Variants in CA10 observed in about 807,000 individuals in gnomAD.
CA10 encodes carbonic anhydrase 10 (inactive), also known as carbonic anhydrase-related protein 10.
In CA10, 14 loss-of-function variants were observed where a neutral mutation model predicts 44.2. The observed-to-expected ratio is 0.32, with a 90% CI of 0.21 to 0.50. CA10 has a LOEUF of 0.50. CA10 is among the 20% of genes least tolerant of loss of function. CA10 has a pLI of 0.99. For missense variants in CA10, 350 were observed against 409.7 expected (o/e 0.85, Z 1.26); for synonymous variants, 159 against 141.6 (o/e 1.12, Z -0.87).
At chr17:51,673,125 A>G (rs1914486667) in intron 4 of CA10, among the ~76,000 whole-genome samples, 2 of 152,332 alleles carry the variant, frequency 1.3e-5, no homozygotes, top group East Asian at 1.9e-4. Flanking sequence ...TTCTTGGTCC[A>G]TGAATTCAGA....
chr17:51,839,112 T>C (rs1297137262), intron 3 of CA10, among the ~76,000 whole-genome samples: 1 of 152,162 alleles, frequency 6.6e-6, no homozygotes, highest in African/African-American at 2.4e-5. Flanking sequence ...CCTTAGTCAA[T>C]TGCATGTTCA....
chr17:51,713,943 T>C (rs1916018453), intron 4 of CA10, among the ~76,000 whole-genome samples: 1 of 152,264 alleles, frequency 6.6e-6, no homozygotes, highest in Non-Finnish European at 1.5e-5. Flanking sequence ...CTTGATTCTA[T>C]GAGTTACTTA....
At chr17:51,889,522 A>AAAAAT (rs1359477910) in intron 3 of CA10, among the ~76,000 whole-genome samples, 5 of 152,294 alleles carry the variant, frequency 3.3e-5, no homozygotes, top group African/African-American at 1.2e-4. Context: ...GCCCTGTCTC[A>AAAAAT]AAAATAAAAT....
At chr17:51,812,667 T>G (rs574032530) in intron 3 of CA10, among the ~76,000 whole-genome samples, 15 of 152,368 alleles carry the variant, frequency 9.8e-5, no homozygotes, top group African/African-American at 3.6e-4. Flanking sequence ...ACTCTTCTCC[T>G]GCCCTCTGGT....
At chr17:52,072,213 A>G (rs1334410825) in intron 2 of CA10, 106 bp downstream of exon 2, 2 of 757,458 alleles carry the variant, frequency 2.6e-6, no homozygotes, top group Non-Finnish European at 4.3e-6. Flanking sequence ...CATTGCACAC[A>G]TAAATTAGAC....
At chr17:51,999,105 G>A (rs188510990) in intron 2 of CA10, among the ~76,000 whole-genome samples, 6 of 152,060 alleles carry the variant, frequency 3.9e-5, no homozygotes, top group Admixed American at 2.6e-4. Context: ...ATGTTTTCTT[G>A]ATCTCTAAGT....
At chr17:51,841,188 C>A (rs1352330982) in intron 3 of CA10, among the ~76,000 whole-genome samples, 1 of 152,164 alleles carries the variant, frequency 6.6e-6, no homozygotes, top group African/African-American at 2.4e-5. Flanking sequence ...CAGACCTCAC[C>A]CTCCCACACC....
At chr17:52,088,808 A>G (rs1481234176) in intron 1 of CA10, among the ~76,000 whole-genome samples, 2 of 152,204 alleles carry the variant, frequency 1.3e-5, no homozygotes, top group Non-Finnish European at 2.9e-5. Context: ...AAAGAAAAAA[A>G]CCCTTACACT....
intron 1 of CA10, among the ~76,000 whole-genome samples, chr17:52,138,772 C>T (rs139600318): frequency 4.1e-4 from 62 of 152,296 alleles, no homozygotes; most frequent in African/African-American, 1.4e-3. Flanking sequence ...CTTGTAAGTA[C>T]AATTTCCAAT....
At chr17:51,747,298 T>G (rs570089535) in intron 4 of CA10, among the ~76,000 whole-genome samples, 2 of 152,226 alleles carry the variant, frequency 1.3e-5, no homozygotes, top group African/African-American at 2.4e-5. Context: ...ATCGCCCAGA[T>G]AGGTGTAAGT....
At chr17:52,154,770 T>A (rs1432535736) in intron 1 of CA10, among the ~76,000 whole-genome samples, 1 of 152,208 alleles carries the variant, frequency 6.6e-6, no homozygotes, top group Non-Finnish European at 1.5e-5. Context: ...GCTGATGTGA[T>A]CTCACAAATA....
At position 51,686,207 on chromosome 17, in the gene CA10, G is replaced by C. The variant is rs575985017; in HGVS notation, c.466-32471C>G. Reference sequence around the variant, plus strand: ...TCTCTTGCTTGTCACCGTGTAAGACGTGACTTTGCTCCTCATTCACCTGCC... The same window carrying C: ...TCTCTTGCTTGTCACCGTGTAAGACCTGACTTTGCTCCTCATTCACCTGCC... On this transcript the variant is annotated intron_variant, in intron 4 of 8. Coordinates refer to ENST00000451037, the MANE Select transcript of CA10 (RefSeq NM_020178.5). Among the ~76,000 whole-genome samples, 3 of 152,270 alleles carry C rather than the reference G, an allele frequency of 2.0e-5. No homozygotes were observed. In the East Asian group the frequency reaches 5.8e-4, roughly 29 times the overall value.
intron 3 of CA10, among the ~76,000 whole-genome samples, chr17:51,872,884 C>A (rs1240975092): frequency 4.6e-5 from 7 of 152,132 alleles, no homozygotes; most frequent in African/African-American, 1.4e-4. Context: ...AAACCTTCCA[C>A]ACCAGTTAGC....
chr17:52,061,619 G>T (rs1987388267), intron 2 of CA10, among the ~76,000 whole-genome samples: 1 of 152,102 alleles, frequency 6.6e-6, no homozygotes, highest in Non-Finnish European at 1.5e-5. Flanking sequence ...TTGTTCTCAT[G>T]ATAGTGAGTT....
intron 3 of CA10, among the ~76,000 whole-genome samples, chr17:51,920,823 C>T (rs1016175539): frequency 1.3e-5 from 2 of 152,180 alleles, no homozygotes; most frequent in African/African-American, 2.4e-5. Context: ...CTTTTCACTG[C>T]TATGCACTGA....
chr17:51,825,884 T>C (rs1171971977), intron 3 of CA10, among the ~76,000 whole-genome samples: 1 of 152,222 alleles, frequency 6.6e-6, no homozygotes, highest in African/African-American at 2.4e-5. Context: ...TACTCCAAGA[T>C]AGGACTTCTG....
At chr17:51,761,052 G>A (rs1372986374) in intron 3 of CA10, among the ~76,000 whole-genome samples, 5 of 152,158 alleles carry the variant, frequency 3.3e-5, no homozygotes, top group Admixed American at 1.3e-4. Context: ...GCCTGGTCGG[G>A]TCAGTCTTCC....
chr17:51,930,738 C>T lies in CA10; in HGVS notation c.279+252G>A, dbSNP rs1186108615. On this transcript the variant is annotated intron_variant, in intron 3 of 8. Coordinates refer to ENST00000451037, the MANE Select transcript of CA10 (RefSeq NM_020178.5). ...ATGCTTTCTGTCCTTTATGGGGGTA[C>T]CAAGGTTGTCTGATAAGACTTCAGG... is the stretch of plus-strand genomic sequence containing the variant. Among the ~76,000 whole-genome samples, 3 of 152,126 alleles carry T rather than the reference C, an allele frequency of 2.0e-5. No homozygotes were observed. In the South Asian group the frequency reaches 6.2e-4, roughly 32 times the overall value.
intron 4 of CA10, among the ~76,000 whole-genome samples, chr17:51,676,292 T>A (rs919664895): frequency 1.3e-5 from 2 of 152,188 alleles, no homozygotes; most frequent in African/African-American, 4.8e-5. Context: ...AGGGTGAACA[T>A]CTAGAGCCAG....
Sources: gnomAD v4.1 joint callset for allele counts (sites outside exome capture counted in the v4.1 genomes callset) on GRCh38, gnomAD v4.1.1 for gene constraint, MANE v1.5 for transcripts, NCBI Gene and HGNC (gene_info 2026-07-23, HGNC 2026-07-21) for gene names.